Variants in UPP2 observed in about 807,000 individuals in gnomAD.
The protein encoded by UPP2 is UPase 2.
A neutral mutation model predicts 26.7 loss-of-function variants in UPP2; 23 were observed. The observed-to-expected ratio is 0.86, with a 90% CI of 0.62 to 1.22. The LOEUF (loss-of-function observed/expected upper bound fraction) is 1.22, where lower values mean the gene tolerates loss of function less well. Ranked by LOEUF, UPP2 falls within the 50% of genes most tolerant of loss-of-function variation. UPP2 has a pLI of 0.00. For missense variants in UPP2, 387 were observed against 396.7 expected, an observed-to-expected ratio of 0.98 and a Z score of 0.21; for synonymous variants, 127 against 141.3, an observed-to-expected ratio of 0.90 and a Z score of 0.72.
At chr2:158,019,837 T>A (rs1683721524) in intron 3 of UPP2, among the ~76,000 whole-genome samples, 2 of 152,158 alleles carry the variant, frequency 1.3e-5, no homozygotes, top group East Asian at 1.9e-4. Context: ...GCAGGAGTTT[T>A]TTAGAGTGAT....
rs2105191321 is a variant in UPP2 at position 158,076,688 on chromosome 2, A to G, written c.148-25352A>G. 2.0e-5 allele frequency among the ~76,000 whole-genome samples: 3 copies of G among 152,200 alleles called. No individual in the cohort carries two copies. The South Asian group carries it at 6.2e-4, about 32-fold the overall frequency. On this transcript the variant is annotated intron_variant, in intron 3 of 9. Coordinates refer to the UPP2 transcript ENST00000605860. Reference sequence around the variant, plus strand: ...CATACCTCAACACAATAAAAGCCATATGTGAAAGACTCACAGCTAGTATAA... The same window carrying G: ...CATACCTCAACACAATAAAAGCCATGTGTGAAAGACTCACAGCTAGTATAA...
chr2:157,996,944 C>A lies in UPP2; in HGVS notation c.61+1685C>A, dbSNP rs142824781. 4.8e-3 allele frequency among the ~76,000 whole-genome samples: 735 copies of A among 152,300 alleles called. 7 individuals are homozygous for A. Among genetic ancestry groups the A allele is most frequent in the African/African-American group, 0.017 (705 of 41,554 alleles). On this transcript the variant is annotated intron_variant, in intron 2 of 9. Transcript: ENST00000605860. ...CATAATTCTTTTCACTGATTGCTTT[C>A]ATCTCAAGTAATATTGTTTAATCAA...
At chr2:158,013,682 C>T (rs1051363253) in intron 2 of UPP2, among the ~76,000 whole-genome samples, 1 of 152,204 alleles carries the variant, frequency 6.6e-6, no homozygotes, top group African/African-American at 2.4e-5. Context: ...TGGCAACAGG[C>T]ACTCAATAAA....
At chr2:158,073,206 A>G (rs559160324) in intron 3 of UPP2, among the ~76,000 whole-genome samples, 212 of 152,192 alleles carry the variant, frequency 1.4e-3, no homozygotes, top group African/African-American at 4.9e-3. Flanking sequence ...ACAATGCATC[A>G]GAGTTCCTTA....
intron 2 of UPP2, among the ~76,000 whole-genome samples, chr2:157,995,526 C>G (rs561858337): frequency 2.0e-5 from 3 of 152,188 alleles, no homozygotes; most frequent in Admixed American, 6.5e-5. Flanking sequence ...GTGAACAGCC[C>G]TACACTGGTG....
Position 158,101,911 on chromosome 2 carries a change from T to C in UPP2, c.-153T>C. On this transcript the variant is annotated 5_prime_UTR_variant, in exon 1 of 7. Coordinates refer to ENST00000005756, the MANE Select transcript of UPP2 (RefSeq NM_173355.4). The stretch of plus-strand genomic sequence containing the variant: ...TTAAAATGCTAAAGGAAAAATTTTC[T>C]TAGCAATTTCACAGGAAAACCTAAG... The C allele has an allele frequency of 7.4e-7, 1 of 1,357,222 alleles. No homozygotes were observed. Among genetic ancestry groups the C allele is most frequent in the African/African-American group, 1.5e-5 (1 of 66,248 alleles). 84.1% of individuals were successfully genotyped at this position (1,357,222 alleles called of 1,614,324 possible).
chr2:158,071,420 A>G (rs1427125660), intron 3 of UPP2, among the ~76,000 whole-genome samples: 2 of 152,066 alleles, frequency 1.3e-5, no homozygotes, highest in African/African-American at 4.8e-5. Flanking sequence ...GCATGGTGGC[A>G]CATGCCTGTA....
At chr2:157,998,614 C>T (rs1221911289) in intron 2 of UPP2, among the ~76,000 whole-genome samples, 2 of 152,042 alleles carry the variant, frequency 1.3e-5, no homozygotes, top group Admixed American at 6.6e-5. Flanking sequence ...TCAGCTTGGA[C>T]AACATGGTGA....
intron 3 of UPP2, among the ~76,000 whole-genome samples, chr2:158,055,110 A>G (rs1342181929): frequency 6.6e-6 from 1 of 152,202 alleles, no homozygotes; most frequent in Non-Finnish European, 1.5e-5. Context: ...TTTATTTCTT[A>G]CAATTCTGGA....
At chr2:158,065,589 G>C in intron 3 of UPP2, 1 of 558,090 alleles carries the variant, frequency 1.8e-6, no homozygotes, top group Admixed American at 2.2e-5. Flanking sequence ...TCACATACAA[G>C]AACATGAGGA....
At chr2:158,016,604 T>G (rs999919713) in intron 3 of UPP2, among the ~76,000 whole-genome samples, 3 of 152,100 alleles carry the variant, frequency 2.0e-5, no homozygotes, top group Non-Finnish European at 4.4e-5. Flanking sequence ...GCATCTAAAG[T>G]GCTGTATTAC....
intron 2 of UPP2, among the ~76,000 whole-genome samples, chr2:158,009,480 G>A (rs539434472): frequency 6.6e-5 from 10 of 152,302 alleles, no homozygotes; most frequent in African/African-American, 2.2e-4. Context: ...TAGCCAAGAC[G>A]CACATTTTCT....
chr2:158,057,192 GT>G (rs1276643286), intron 3 of UPP2, among the ~76,000 whole-genome samples: 1 of 152,190 alleles, frequency 6.6e-6, no homozygotes, highest in Non-Finnish European at 1.5e-5. Flanking sequence ...CCGAGGTAGT[GT>G]TTTGTCAGGT....
intron 2 of UPP2, among the ~76,000 whole-genome samples, chr2:158,109,572 C>T (rs1430565675): frequency 6.6e-6 from 1 of 152,156 alleles, no homozygotes; most frequent in African/African-American, 2.4e-5. Context: ...CCAATACATC[C>T]TCCTTGTAGG....
At chr2:158,066,246 T>C (rs1682432988) in intron 3 of UPP2, among the ~76,000 whole-genome samples, 1 of 152,202 alleles carries the variant, frequency 6.6e-6, no homozygotes, top group South Asian at 2.1e-4. Flanking sequence ...TGTGTTTGGG[T>C]TACAGTCAAC....
intron 3 of UPP2, among the ~76,000 whole-genome samples, chr2:158,090,890 G>A (rs1011595633): frequency 4.6e-5 from 7 of 152,150 alleles, no homozygotes; most frequent in Admixed American, 2.0e-4. Flanking sequence ...TATACACAGG[G>A]TCCTGGTTTG....
chr2:158,000,806 T>C (rs1261469407), intron 2 of UPP2, among the ~76,000 whole-genome samples: 1 of 152,228 alleles, frequency 6.6e-6, no homozygotes, highest in Non-Finnish European at 1.5e-5. Flanking sequence ...GAGAGTAGTT[T>C]TATTACTAGA....
At chr2:158,000,116 T>C (rs919048465) in intron 2 of UPP2, among the ~76,000 whole-genome samples, 1 of 151,730 alleles carries the variant, frequency 6.6e-6, no homozygotes, top group African/African-American at 2.4e-5. Flanking sequence ...CAGGCTAGAG[T>C]GCAATGGCGC....
At chr2:158,123,691 A>G in intron 5 of UPP2, 58 bp from the exon 6 acceptor site, 1 of 1,581,416 alleles carries the variant, frequency 6.3e-7, no homozygotes, top group Non-Finnish European at 8.6e-7. Flanking sequence ...GCCTCCTATG[A>G]GGCCACTGTC....
Sources: allele counts gnomAD v4.1 joint callset (sites outside exome capture counted in the v4.1 genomes callset), GRCh38; gene constraint gnomAD v4.1.1; transcripts MANE v1.5; gene names NCBI Gene and HGNC (gene_info 2026-07-23, HGNC 2026-07-21).